MSRA: variants seen among roughly 807,000 people sequenced by gnomAD.
MSRA encodes the protein methionine sulfoxide reductase A.
In MSRA, 54 loss-of-function variants were observed where a neutral mutation model predicts 31.3. The ratio of observed to expected loss-of-function variants is 1.73; its 90% CI spans 1.39 to 2.17. The LOEUF (loss-of-function observed/expected upper bound fraction) is 2.17, where lower values mean the gene tolerates loss of function less well. Ranked by LOEUF, MSRA falls within the 30% of genes most tolerant of loss-of-function variation. MSRA has a pLI of 0.00. For synonymous variants in MSRA, 169 were observed against 116.5 expected (o/e 1.45, Z -2.90); for missense variants, 507 against 300.9 (o/e 1.69, Z -5.07).
intron 2 of MSRA, among the ~76,000 whole-genome samples, chr8:10,237,144 T>A (rs900980302): frequency 1.6e-4 from 24 of 152,248 alleles, no homozygotes; most frequent in African/African-American, 5.1e-4. Flanking sequence ...GTGGTTGGTC[T>A]CATAACTAGG....
At chr8:10,184,013 G>C (rs934297168) in intron 1 of MSRA, among the ~76,000 whole-genome samples, 44 of 54,366 alleles carry the variant, frequency 8.1e-4, no homozygotes, top group Non-Finnish European at 1.3e-3. Context: ...AGGTGGTGGT[G>C]GTGTTGGTGG....
chr8:10,234,309 T>G (rs148500621), intron 2 of MSRA, among the ~76,000 whole-genome samples: 229 of 152,244 alleles, frequency 1.5e-3, no homozygotes, highest in African/African-American at 5.3e-3. Context: ...AGGCAAATCT[T>G]TACACTGCGG....
At chr8:10,116,483 G>A (rs1293343342) in intron 1 of MSRA, among the ~76,000 whole-genome samples, 1 of 152,192 alleles carries the variant, frequency 6.6e-6, no homozygotes, top group Non-Finnish European at 1.5e-5. Flanking sequence ...GCTACGCTCT[G>A]CGGTACAGAG....
At position 10,244,153 on chromosome 8, in the gene MSRA, A is replaced by T. The variant is rs369499568; in HGVS notation, c.212-951A>T. ...ATATTAATTTGCCAACTGTTGTTCC[A>T]CTCAGGATCTCAGTTATACGTAACT... On this transcript the variant is annotated intron_variant, in intron 2 of 5. Transcript: ENST00000317173. Among the ~76,000 whole-genome samples, 5 of 152,284 alleles carry T rather than the reference A, an allele frequency of 3.3e-5. No individual in the cohort carries two copies. In the South Asian group the frequency reaches 1.0e-3, roughly 32 times the overall value.
chr8:10,261,597 C>T (rs935527228), intron 3 of MSRA, among the ~76,000 whole-genome samples: 10 of 152,026 alleles, frequency 6.6e-5, no homozygotes, highest in African/African-American at 1.2e-4. Flanking sequence ...AAAAAGTAAG[C>T]AGGAAGTACA....
At chr8:10,280,814 G>A (rs531223273) in intron 3 of MSRA, among the ~76,000 whole-genome samples, 1 of 152,282 alleles carries the variant, frequency 6.6e-6, no homozygotes, top group Non-Finnish European at 1.5e-5. Context: ...AATAAAATAA[G>A]GTATACACGT....
At chr8:10,332,830 C>T (rs1451392154) in intron 5 of MSRA, among the ~76,000 whole-genome samples, 2 of 152,194 alleles carry the variant, frequency 1.3e-5, no homozygotes, top group Non-Finnish European at 2.9e-5. Context: ...TAATAATGGG[C>T]TTTACATATT....
chr8:10,325,583 TCTGA>T (rs1257225274), intron 5 of MSRA, among the ~76,000 whole-genome samples: 1 of 152,242 alleles, frequency 6.6e-6, no homozygotes, highest in Non-Finnish European at 1.5e-5. Context: ...TGAATGAATT[TCTGA>T]CTGTTTATTC....
chr8:10,302,036 G>A (rs891479140), intron 4 of MSRA, among the ~76,000 whole-genome samples: 3 of 152,096 alleles, frequency 2.0e-5, no homozygotes, highest in African/African-American at 7.2e-5. Context: ...AGCCTTTCTC[G>A]TCTTTTGACG....
chr8:10,331,296 A>G (rs1802681424), intron 5 of MSRA, among the ~76,000 whole-genome samples: 2 of 152,212 alleles, frequency 1.3e-5, no homozygotes, highest in Non-Finnish European at 2.9e-5. Flanking sequence ...GGCTTGGAGG[A>G]GAACAACTGG....
chr8:10,215,626 T>C (rs1259581099), intron 2 of MSRA, among the ~76,000 whole-genome samples: 3 of 152,224 alleles, frequency 2.0e-5, no homozygotes, highest in African/African-American at 7.2e-5. Context: ...ACTCACCTAA[T>C]ATTGGCTGGG....
intron 1 of MSRA, among the ~76,000 whole-genome samples, chr8:10,166,381 T>C (rs1805126050): frequency 6.6e-6 from 1 of 151,684 alleles, no homozygotes; most frequent in African/African-American, 2.4e-5. Context: ...TATGCATTTG[T>C]ATGATAGTGT....
At chr8:10,120,439 G>A (rs1177134851) in intron 1 of MSRA, among the ~76,000 whole-genome samples, 1 of 152,170 alleles carries the variant, frequency 6.6e-6, no homozygotes, top group Non-Finnish European at 1.5e-5. Flanking sequence ...ATGTACAAAA[G>A]GGTAGTGACA....
At chr8:10,078,139 G>A (rs567874853) in intron 1 of MSRA, among the ~76,000 whole-genome samples, 1 of 152,332 alleles carries the variant, frequency 6.6e-6, no homozygotes, top group South Asian at 2.1e-4. Flanking sequence ...TAAGTACACA[G>A]CAACAGGTGT....
chr8:10,054,324 C>T lies in MSRA; in HGVS notation c.-193C>T. ...GAAGGAACACGCCCCCGGTGACAGC[C>T]GGTACGGCCCCGGGTTTGGGCAACC... On this transcript the variant is annotated 5_prime_UTR_variant, in exon 1 of 6. Transcript: ENST00000317173. 2.4e-6 allele frequency: 1 copy of T among 419,200 alleles called. No individual in the cohort carries two copies. Among genetic ancestry groups the T allele is most frequent in the Non-Finnish European group, 3.9e-6 (1 of 255,038 alleles). The allele number at this position is 419,200 out of a possible 1,614,324, so 26.0% of individuals were successfully genotyped here. A position where few individuals can be genotyped will look rare whatever the true frequency, so the allele number is the denominator to read the frequency against.
chr8:10,143,019 G>C (rs998337159), intron 1 of MSRA, among the ~76,000 whole-genome samples: 4 of 152,054 alleles, frequency 2.6e-5, no homozygotes, highest in African/African-American at 9.7e-5. Context: ...AGATAACTTT[G>C]TTATGTGGAG....
At chr8:10,296,065 CT>C (rs2129121440) in intron 3 of MSRA, among the ~76,000 whole-genome samples, 1 of 152,198 alleles carries the variant, frequency 6.6e-6, no homozygotes, top group African/African-American at 2.4e-5. Flanking sequence ...CGATTTTTCC[CT>C]TTTGCCACTT....
intron 5 of MSRA, among the ~76,000 whole-genome samples, chr8:10,334,437 C>T (rs928972612): frequency 3.3e-5 from 5 of 150,766 alleles, no homozygotes; most frequent in South Asian, 4.3e-4. Context: ...CTACCGGGGG[C>T]GGGGGGGAGG....
At chr8:10,327,865 G>A (rs1478349619) in intron 5 of MSRA, among the ~76,000 whole-genome samples, 6 of 151,968 alleles carry the variant, frequency 3.9e-5, no homozygotes, top group Non-Finnish European at 5.9e-5. Context: ...CCTGGGAGGC[G>A]GAGCTTGCAG....
Sources: gnomAD v4.1 joint callset for allele counts (sites outside exome capture counted in the v4.1 genomes callset) on GRCh38, gnomAD v4.1.1 for gene constraint, MANE v1.5 for transcripts, NCBI Gene and HGNC (gene_info 2026-07-23, HGNC 2026-07-21) for gene names.